The following LRMDA variants were observed in gnomAD, a reference collection of about 807,000 sequenced individuals.
LRMDA encodes leucine-rich melanocyte differentiation-associated protein.
A neutral mutation model predicts 29.8 loss-of-function variants in LRMDA; 18 were observed. The observed-to-expected ratio is 0.60, with a 90% confidence interval of 0.42 to 0.90. LRMDA has a LOEUF of 0.90. Ranked by LOEUF, LRMDA falls within the 40% of genes least tolerant of loss-of-function variation. The pLI is 0.00. For synonymous variants in LRMDA, 125 were observed against 109.4 expected (o/e 1.14, Z -0.89); for missense variants, 273 against 273.9 (o/e 1.00, Z 0.02).
intron 6 of LRMDA, among the ~76,000 whole-genome samples, chr10:76,332,139 G>A (rs183027166): frequency 9.7e-4 from 147 of 152,306 alleles, no homozygotes; most frequent in Non-Finnish European, 1.5e-3. Flanking sequence ...GGAATGGAGG[G>A]TAGTGTAGAT....
chr10:76,029,541 C>T (rs1427374763), intron 2 of LRMDA, among the ~76,000 whole-genome samples: 2 of 152,144 alleles, frequency 1.3e-5, no homozygotes, highest in African/African-American at 4.8e-5. Flanking sequence ...TATCATCTGA[C>T]CAGAATTTCA....
At chr10:76,192,843 G>T (rs1264433129) in intron 5 of LRMDA, among the ~76,000 whole-genome samples, 1 of 152,208 alleles carries the variant, frequency 6.6e-6, no homozygotes, top group African/African-American at 2.4e-5. Context: ...GTTAGGTAGA[G>T]CTCAGACTTG....
intron 6 of LRMDA, among the ~76,000 whole-genome samples, chr10:76,443,115 C>T (rs112527959): frequency 3.9e-4 from 60 of 152,292 alleles, no homozygotes; most frequent in South Asian, 4.1e-4. Flanking sequence ...AGTGTTTCTT[C>T]ACCTGTACCT....
intron 2 of LRMDA, among the ~76,000 whole-genome samples, chr10:75,683,285 G>A (rs1842045570): frequency 6.6e-6 from 1 of 152,182 alleles, no homozygotes; most frequent in African/African-American, 2.4e-5. Context: ...TGCTCACAGA[G>A]CACAAAGGGA....
rs150744579 is a variant in LRMDA at position 76,286,376 on chromosome 10, C to T, written c.517-38025C>T. Among the ~76,000 whole-genome samples, 385 of 152,278 alleles carry T rather than the reference C, an allele frequency of 2.5e-3. 1 individual carries two copies. The highest frequency in any genetic ancestry group is 8.2e-3 in the African/African-American group (340 of 41,556). ...TGTCCATTAACCAACCCGGTGACCC[C>T]GGGCTTTTCTAGTCTTGGGGCCTTC... is the stretch of plus-strand genomic sequence containing the variant. On this transcript the variant is annotated intron_variant, in intron 5 of 6. Coordinates refer to ENST00000611255, the MANE Select transcript of LRMDA (RefSeq NM_001305581.2).
chr10:76,389,443 AT>A (rs1336184995), intron 6 of LRMDA, among the ~76,000 whole-genome samples: 1 of 152,196 alleles, frequency 6.6e-6, no homozygotes, highest in East Asian at 1.9e-4. Context: ...CCATGTATTT[AT>A]TAGCATTTGC....
intron 6 of LRMDA, among the ~76,000 whole-genome samples, chr10:76,437,074 G>A (rs1842252235): frequency 6.6e-6 from 1 of 152,140 alleles, no homozygotes. Flanking sequence ...TTTAATCATA[G>A]CAATGGGCTC....
At chr10:76,195,382 G>A (rs1851315267) in intron 5 of LRMDA, among the ~76,000 whole-genome samples, 1 of 152,190 alleles carries the variant, frequency 6.6e-6, no homozygotes, top group South Asian at 2.1e-4. Flanking sequence ...TAGGCATAAT[G>A]TGCCTTTTGA....
intron 2 of LRMDA, among the ~76,000 whole-genome samples, chr10:76,032,840 C>T (rs1460678558): frequency 6.6e-6 from 1 of 152,124 alleles, no homozygotes; most frequent in Admixed American, 6.5e-5. Context: ...CGCACTACTC[C>T]AGGAAGCTGG....
chr10:76,304,523 A>C (rs978294889), intron 5 of LRMDA, among the ~76,000 whole-genome samples: 1 of 152,142 alleles, frequency 6.6e-6, no homozygotes, highest in Non-Finnish European at 1.5e-5. Flanking sequence ...TCCAACACTG[A>C]GAAGCCCTGT....
intron 3 of LRMDA, among the ~76,000 whole-genome samples, chr10:76,041,676 C>G (rs191298844): frequency 6.6e-6 from 1 of 152,290 alleles, no homozygotes; most frequent in Non-Finnish European, 1.5e-5. Flanking sequence ...TCCCTCCTCC[C>G]TCATGCTCCA....
intron 2 of LRMDA, among the ~76,000 whole-genome samples, chr10:75,699,375 C>G (rs1842277929): frequency 6.6e-6 from 1 of 152,124 alleles, no homozygotes; most frequent in African/African-American, 2.4e-5. Context: ...AGGTTTTCAT[C>G]ATCATGTGAG....
chr10:76,063,552 G>A (rs569600630), intron 5 of LRMDA, among the ~76,000 whole-genome samples: 1 of 152,156 alleles, frequency 6.6e-6, no homozygotes, highest in East Asian at 1.9e-4. Flanking sequence ...ACTTGGGAGG[G>A]TGGGCTATTG....
intron 6 of LRMDA, among the ~76,000 whole-genome samples, chr10:76,385,113 C>G (rs967765010): frequency 2.0e-5 from 3 of 152,126 alleles, no homozygotes; most frequent in African/African-American, 7.2e-5. Context: ...TTAGATTGGA[C>G]CGGAAATCCT....
At chr10:76,557,166 C>G (rs1843568031) in intron 6 of LRMDA, 43 bp from the exon 7 acceptor site, 1 of 1,501,132 alleles carries the variant, frequency 6.7e-7, no homozygotes, top group Non-Finnish European at 9.3e-7. Flanking sequence ...CCCTGCTATG[C>G]TAAGTGTGCC....
At chr10:75,555,165 G>A (rs996445897) in intron 2 of LRMDA, among the ~76,000 whole-genome samples, 4 of 152,048 alleles carry the variant, frequency 2.6e-5, no homozygotes, top group Non-Finnish European at 5.9e-5. Flanking sequence ...AGAAAACTAT[G>A]GAGCAACCAC....
chr10:75,761,899 C>G (rs548890951), intron 2 of LRMDA, among the ~76,000 whole-genome samples: 1 of 151,288 alleles, frequency 6.6e-6, no homozygotes, highest in Non-Finnish European at 1.5e-5. Flanking sequence ...ATCCCAGGCT[C>G]AAGTGATCCC....
intron 2 of LRMDA, among the ~76,000 whole-genome samples, chr10:75,664,223 C>T (rs1841793071): frequency 6.6e-6 from 1 of 152,188 alleles, no homozygotes; most frequent in Non-Finnish European, 1.5e-5. Context: ...GAATCCAAAA[C>T]TGTGTGCCAC....
At chr10:75,879,507 G>T (rs1320233699) in intron 2 of LRMDA, among the ~76,000 whole-genome samples, 1 of 152,172 alleles carries the variant, frequency 6.6e-6, no homozygotes, top group East Asian at 1.9e-4. Flanking sequence ...GAAAATGCCG[G>T]CCAGGTCCCT....
Sources: allele counts gnomAD v4.1 joint callset (sites outside exome capture counted in the v4.1 genomes callset), GRCh38; gene constraint gnomAD v4.1.1; transcripts MANE v1.5; gene names NCBI Gene and HGNC (gene_info 2026-07-23, HGNC 2026-07-21).